CNTNAP2: variants seen among roughly 807,000 people sequenced by gnomAD.
CNTNAP2 encodes contactin-associated protein-like 2.
CNTNAP2 carries 98 observed loss-of-function variants against 155.2 expected under a neutral mutation model. The observed-to-expected ratio is 0.63, with a 90% CI of 0.54 to 0.75. The LOEUF (loss-of-function observed/expected upper bound fraction) is 0.75, where lower values mean the gene tolerates loss of function less well. CNTNAP2 is among the 30% of genes least tolerant of loss of function. The probability of loss-of-function intolerance (pLI) is 0.00; values close to 1 mark genes in which losing one functional copy is unlikely to be tolerated. For missense variants in CNTNAP2, 1,727 were observed against 1,688.1 expected, an observed-to-expected ratio of 1.02 and a Z score of -0.40; for synonymous variants, 651 against 631.2, an observed-to-expected ratio of 1.03 and a Z score of -0.47.
chr7:146,611,693 G>A (rs1306323295), intron 1 of CNTNAP2, among the ~76,000 whole-genome samples: 4 of 152,082 alleles, frequency 2.6e-5, no homozygotes, highest in Admixed American at 2.0e-4. Context: ...TTCAGTGAGA[G>A]GTACCCTTAT....
At chr7:146,930,743 C>A (rs1186682797) in intron 3 of CNTNAP2, among the ~76,000 whole-genome samples, 1 of 152,032 alleles carries the variant, frequency 6.6e-6, no homozygotes, top group Non-Finnish European at 1.5e-5. Flanking sequence ...GGAGGAAGAT[C>A]TACCAAGCAA....
At chr7:146,905,905 G>A (rs950584249) in intron 3 of CNTNAP2, among the ~76,000 whole-genome samples, 1 of 152,218 alleles carries the variant, frequency 6.6e-6, no homozygotes, top group African/African-American at 2.4e-5. Flanking sequence ...TCTCACTAGG[G>A]AGTGCCAGAC....
chr7:147,137,886 T>TAGAC lies in CNTNAP2; in HGVS notation c.1348+5380_1348+5381insCAGA, dbSNP rs1426616182. Reference sequence around the variant, plus strand: ...ATAGATAGATACGTAGATAGATAGATAGATAGATAGATAGATAGATAGATA... The same window carrying TAGAC: ...ATAGATAGATACGTAGATAGATAGATAGACAGATAGATAGATAGATAGATAGATA... On this transcript the variant is annotated intron_variant, in intron 8 of 23. Coordinates refer to ENST00000361727, the MANE Select transcript of CNTNAP2 (RefSeq NM_014141.6). Among the ~76,000 whole-genome samples the TAGAC allele has an allele frequency of 3.2e-5, 4 of 124,598 alleles. No individual in the cohort carries two copies. In the East Asian group the frequency reaches 1.1e-3, roughly 36 times the overall value. 81.7% of individuals were successfully genotyped at this position (124,598 alleles called of 152,430 possible).
intron 1 of CNTNAP2, among the ~76,000 whole-genome samples, chr7:146,707,540 A>G (rs1019137934): frequency 1.3e-5 from 2 of 151,936 alleles, no homozygotes; most frequent in Non-Finnish European, 2.9e-5. Flanking sequence ...GCTCTTCTTC[A>G]TTCATGATTC....
intron 10 of CNTNAP2, among the ~76,000 whole-genome samples, chr7:147,425,367 A>G (rs371114088): frequency 6.6e-6 from 1 of 152,044 alleles, no homozygotes; most frequent in Non-Finnish European, 1.5e-5. Context: ...ATGGTGCTTT[A>G]CTTACAGCCT....
At chr7:147,629,547 G>A (rs1795047463) in intron 12 of CNTNAP2, among the ~76,000 whole-genome samples, 1 of 151,696 alleles carries the variant, frequency 6.6e-6, no homozygotes, top group Non-Finnish European at 1.5e-5. Flanking sequence ...TCAACACACA[G>A]AACATTCTCC....
At chr7:147,562,518 A>C (rs577515923) in intron 12 of CNTNAP2, among the ~76,000 whole-genome samples, 1 of 152,302 alleles carries the variant, frequency 6.6e-6, no homozygotes, top group Non-Finnish European at 1.5e-5. Context: ...GGGGGAAAAA[A>C]ACAGAAAGTA....
At chr7:147,021,201 C>T (rs1230467092) in intron 3 of CNTNAP2, among the ~76,000 whole-genome samples, 1 of 151,936 alleles carries the variant, frequency 6.6e-6, no homozygotes, top group Non-Finnish European at 1.5e-5. Flanking sequence ...TTTTTTTTGG[C>T]AATTCTTTTT....
chr7:147,694,751 A>G (rs1227306821), intron 13 of CNTNAP2, among the ~76,000 whole-genome samples: 2 of 152,138 alleles, frequency 1.3e-5, no homozygotes, highest in African/African-American at 2.4e-5. Context: ...CAAGAGGCTT[A>G]TCAATGTTAC....
chr7:146,188,425 T>A (rs1798653898), intron 1 of CNTNAP2, among the ~76,000 whole-genome samples: 1 of 152,192 alleles, frequency 6.6e-6, no homozygotes, highest in Non-Finnish European at 1.5e-5. Context: ...AAAAGGCAGT[T>A]GCACGCCCTA....
intron 8 of CNTNAP2, among the ~76,000 whole-genome samples, chr7:147,173,664 T>C (rs545100350): frequency 6.6e-6 from 1 of 152,302 alleles, no homozygotes; most frequent in East Asian, 1.9e-4. Flanking sequence ...ATTCACCTGG[T>C]GGATGCTGAT....
chr7:148,285,654 C>T (rs892866989), intron 21 of CNTNAP2, among the ~76,000 whole-genome samples: 2 of 152,216 alleles, frequency 1.3e-5, no homozygotes, highest in South Asian at 2.1e-4. Context: ...GAAAGAGGCT[C>T]TGAAGTTTTA....
chr7:146,297,649 ACTAT>A (rs770537036), intron 1 of CNTNAP2, among the ~76,000 whole-genome samples: 37 of 152,288 alleles, frequency 2.4e-4, no homozygotes, highest in Non-Finnish European at 4.9e-4. Context: ...GTAGGTAATA[ACTAT>A]CAGAGAGTTA....
chr7:146,301,619 C>T (rs148224317), intron 1 of CNTNAP2, among the ~76,000 whole-genome samples: 4,457 of 152,088 alleles, frequency 0.029, 107 homozygotes, highest in African/African-American at 0.061. Context: ...GAGTGAGACT[C>T]TGTCTCAACA....
At chr7:147,676,629 G>T (rs114859492) in intron 13 of CNTNAP2, among the ~76,000 whole-genome samples, 1 of 151,736 alleles carries the variant, frequency 6.6e-6, no homozygotes, top group Non-Finnish European at 1.5e-5. Context: ...TTGAAATTTC[G>T]TATTCTTTGA....
chr7:148,185,494 A>C (rs1795103192), intron 18 of CNTNAP2, among the ~76,000 whole-genome samples: 1 of 152,210 alleles, frequency 6.6e-6, no homozygotes, highest in Non-Finnish European at 1.5e-5. Flanking sequence ...TTTTCCTCTT[A>C]TCCCAAGTGA....
rs373877946 is a variant in CNTNAP2 at position 146,984,554 on chromosome 7, T to C, written c.403-59353T>C. Among the ~76,000 whole-genome samples the C allele has an allele frequency of 2.6e-5, 4 of 152,096 alleles. No individual in the cohort carries two copies. In the East Asian group the frequency reaches 5.8e-4, roughly 22 times the overall value. On this transcript the variant is annotated intron_variant, in intron 3 of 23. Transcript: ENST00000361727. ...AGTTTTAGTCATGGCTATAAGACAA[T>C]GTCATTTTAGAGAGCTAATGTGTCC... is the stretch of plus-strand genomic sequence containing the variant.
At chr7:146,325,234 C>T (rs1250146989) in intron 1 of CNTNAP2, among the ~76,000 whole-genome samples, 3 of 151,928 alleles carry the variant, frequency 2.0e-5, no homozygotes, top group Non-Finnish European at 4.4e-5. Flanking sequence ...TTTATATTTG[C>T]AAAACATCAA....
chr7:147,731,399 C>G (rs1608794), intron 13 of CNTNAP2, among the ~76,000 whole-genome samples: 151,348 of 152,184 alleles, frequency 0.99, 75,261 homozygotes, highest in Middle Eastern at 1. Context: ...CTCTGCCTGT[C>G]CCCTAGAAAT....
Sources: gnomAD v4.1 joint callset for allele counts (sites outside exome capture counted in the v4.1 genomes callset) on GRCh38, gnomAD v4.1.1 for gene constraint, MANE v1.5 for transcripts, NCBI Gene and HGNC (gene_info 2026-07-23, HGNC 2026-07-21) for gene names.